The following MEGF10 variants were observed in gnomAD, a reference collection of about 807,000 sequenced individuals.
The protein encoded by MEGF10 is multiple EGF like domains 10.
MEGF10 carries 86 observed loss-of-function variants against 147.5 expected under a neutral mutation model. The ratio of observed to expected loss-of-function variants is 0.58; its 90% confidence interval spans 0.49 to 0.70. The LOEUF (loss-of-function observed/expected upper bound fraction) is 0.70, where lower values mean the gene tolerates loss of function less well. MEGF10 is among the 30% of genes least tolerant of loss of function. The pLI, the probability that MEGF10 is intolerant of heterozygous loss-of-function variation, is 0.00. For missense variants in MEGF10, 1,329 were observed against 1,487.3 expected, an observed-to-expected ratio of 0.89 and a Z score of 1.75; for synonymous variants, 478 against 525.5, an observed-to-expected ratio of 0.91 and a Z score of 1.24.
At position 127,458,946 on chromosome 5, in the gene MEGF10, A is replaced by C. The variant is rs958730431; in HGVS notation, c.*1628A>C. The C allele has an allele frequency of 6.6e-6, 1 of 152,204 alleles. No individual in the cohort carries two copies. Among genetic ancestry groups the C allele is most frequent in the African/African-American group, 2.4e-5 (1 of 41,444 alleles). The allele number at this position is 152,204 out of a possible 1,614,324, so 9.4% of individuals were successfully genotyped here. ...TCCAGGCAAACCAGACTTATCTTGC[A>C]ATATGAGAATGCTGACACAATGCAG... On this transcript the variant is annotated 3_prime_UTR_variant, in exon 25 of 25. Transcript: ENST00000503335.
chr5:127,412,108 G>A (rs1410704688), intron 9 of MEGF10, among the ~76,000 whole-genome samples: 1 of 152,200 alleles, frequency 6.6e-6, no homozygotes, highest in African/African-American at 2.4e-5. Flanking sequence ...TAGGTCATAT[G>A]TACCTAAGCA....
chr5:127,246,985 A>AATATATATATATATATATATAT, the MEGF10 span, among the ~76,000 whole-genome samples: 862 of 104,010 alleles, frequency 8.3e-3, 29 homozygotes, highest in South Asian at 0.02. Context: ...GTATAAAAAG[A>AATATATATATATATATATATAT]ATATATATAT....
At chr5:127,232,303 T>C in the MEGF10 span, among the ~76,000 whole-genome samples, 5 of 152,378 alleles carry the variant, frequency 3.3e-5, no homozygotes, top group Admixed American at 1.3e-4. Context: ...CCAGAAGCTT[T>C]CTCTCCAACG....
chr5:127,335,747 C>A (rs26943), intron 2 of MEGF10, among the ~76,000 whole-genome samples: 1 of 151,964 alleles, frequency 6.6e-6, no homozygotes, highest in East Asian at 1.9e-4. Flanking sequence ...TTTAGAAATA[C>A]CCTCAACCAA....
intron 8 of MEGF10, 54 bp from the exon 9 acceptor site, chr5:127,410,335 T>C (rs1451898023): frequency 6.5e-7 from 1 of 1,548,618 alleles, no homozygotes; most frequent in Non-Finnish European, 8.9e-7. Flanking sequence ...TAACTGTTTA[T>C]TTTCACATGG....
chr5:127,307,376 G>T (rs1283540692), intron 1 of MEGF10, among the ~76,000 whole-genome samples: 1 of 152,218 alleles, frequency 6.6e-6, no homozygotes, highest in African/African-American at 2.4e-5. Flanking sequence ...GGTGGGCAGG[G>T]TTCATCACTG....
At chr5:127,288,916 C>T (rs547382339), upstream of MEGF10, among the ~76,000 whole-genome samples, 8 of 152,284 alleles carry the variant, frequency 5.3e-5, no homozygotes, top group South Asian at 1.5e-3. Flanking sequence ...ACTTCAGATA[C>T]AGGCACAACA....
chr5:127,283,644 C>G, the MEGF10 span, among the ~76,000 whole-genome samples: 6 of 152,154 alleles, frequency 3.9e-5, no homozygotes, highest in African/African-American at 1.4e-4. Flanking sequence ...CAGAAGCATC[C>G]ACGTAGGAGT....
chr5:127,290,650 A>G (rs1480004807), upstream of MEGF10, among the ~76,000 whole-genome samples: 2 of 152,160 alleles, frequency 1.3e-5, no homozygotes, highest in Non-Finnish European at 2.9e-5. Flanking sequence ...AAGATCCTGC[A>G]TGTTGCGCTA....
chr5:127,412,045 G>A (rs1764589718), intron 9 of MEGF10, among the ~76,000 whole-genome samples: 1 of 152,202 alleles, frequency 6.6e-6, no homozygotes, highest in Admixed American at 6.5e-5. Flanking sequence ...GTAGTGGCAA[G>A]GTGCAAAGTG....
rs576535051 is a variant in MEGF10 at position 127,385,573 on chromosome 5, G to A, written c.413-10959G>A. 2.3e-3 allele frequency among the ~76,000 whole-genome samples: 348 copies of A among 152,274 alleles called. 2 individuals are homozygous for A. The highest frequency in any genetic ancestry group is 0.01 in the Middle Eastern group (3 of 294). On this transcript the variant is annotated intron_variant, in intron 5 of 24. Coordinates refer to ENST00000503335, the MANE Select transcript of MEGF10 (RefSeq NM_001256545.2). The stretch of plus-strand genomic sequence containing the variant: ...CAGGCATGAGCCACTGTGCCGGGCC[G>A]ACATTTATAATATTGAAGGCATATG...
the MEGF10 span, among the ~76,000 whole-genome samples, chr5:127,269,955 AC>A: frequency 6.6e-6 from 1 of 152,222 alleles, no homozygotes; most frequent in Non-Finnish European, 1.5e-5. Flanking sequence ...AGAATTTTCA[AC>A]ACAGAATTTC....
At chr5:127,379,398 A>C (rs1763165459) in intron 5 of MEGF10, among the ~76,000 whole-genome samples, 1 of 152,118 alleles carries the variant, frequency 6.6e-6, no homozygotes, top group South Asian at 2.1e-4. Flanking sequence ...CCCTGAGCAC[A>C]ATCCATCTAG....
chr5:127,411,918 A>C (rs1177175639), intron 9 of MEGF10, among the ~76,000 whole-genome samples: 1 of 152,242 alleles, frequency 6.6e-6, no homozygotes, highest in Non-Finnish European at 1.5e-5. Flanking sequence ...TCCGTTGTAC[A>C]TAGAGACAAC....
intron 4 of MEGF10, among the ~76,000 whole-genome samples, chr5:127,346,999 T>A (rs193214539): frequency 6.6e-6 from 1 of 152,240 alleles, no homozygotes; most frequent in East Asian, 1.9e-4. Flanking sequence ...ATTTTGTGTA[T>A]GGAACAAGAT....
intron 13 of MEGF10, 37 bp downstream of exon 13, chr5:127,422,809 C>G: frequency 6.6e-7 from 1 of 1,504,524 alleles, no homozygotes; most frequent in Non-Finnish European, 9.2e-7. Flanking sequence ...AGGTGAAACC[C>G]GCCAATTTAA....
rs1055348145 is a variant in MEGF10 at position 127,331,437 on chromosome 5, A to G, written c.116+13A>G. 1 of 1,494,898 alleles carries G rather than the reference A, an allele frequency of 6.7e-7. No homozygotes were observed. 92.6% of individuals were successfully genotyped at this position (1,494,898 alleles called of 1,614,324 possible). Reference sequence around the variant, plus strand: ...GCCACTGGGAAAGGTAATGGTTTTGAAAGGAGCCTGACAAAGAATTGCTGA... The same window carrying G: ...GCCACTGGGAAAGGTAATGGTTTTGGAAGGAGCCTGACAAAGAATTGCTGA... On this transcript the variant is annotated intron_variant, in intron 2 of 24. Coordinates refer to ENST00000503335, the MANE Select transcript of MEGF10 (RefSeq NM_001256545.2).
At chr5:127,369,526 T>C (rs150466842) in intron 4 of MEGF10, among the ~76,000 whole-genome samples, 308 of 152,310 alleles carry the variant, frequency 2.0e-3, no homozygotes, top group Admixed American at 4.8e-3. Flanking sequence ...ATCTACTCTG[T>C]CACTCTGAGG....
intron 4 of MEGF10, among the ~76,000 whole-genome samples, chr5:127,342,565 G>C (rs997474596): frequency 1.3e-5 from 2 of 151,792 alleles, no homozygotes; most frequent in African/African-American, 4.8e-5. Flanking sequence ...AGCAAGCTCA[G>C]TTAGAGAGAC....
Sources: allele counts gnomAD v4.1 joint callset (sites outside exome capture counted in the v4.1 genomes callset), GRCh38; gene constraint gnomAD v4.1.1; transcripts MANE v1.5; gene names NCBI Gene and HGNC (gene_info 2026-07-23, HGNC 2026-07-21).